The following PALM2AKAP2 variants were observed in gnomAD, a reference collection of about 807,000 sequenced individuals.
PALM2AKAP2 encodes PALM2-AKAP2 fusion protein.
In PALM2AKAP2, 37 loss-of-function variants were observed where a neutral mutation model predicts 71.5. The ratio of observed to expected loss-of-function variants is 0.52; its 90% confidence interval spans 0.40 to 0.68. PALM2AKAP2 has a LOEUF of 0.68. Ranked by LOEUF, PALM2AKAP2 falls within the 30% of genes least tolerant of loss-of-function variation. PALM2AKAP2 has a pLI of 0.00. For synonymous variants in PALM2AKAP2, 468 were observed against 478.8 expected (o/e 0.98, Z 0.29); for missense variants, 1,224 against 1,191.8 (o/e 1.03, Z -0.40).
At chr9:110,116,893 T>G (rs1436469861) in intron 1 of PALM2AKAP2, among the ~76,000 whole-genome samples, 1 of 152,202 alleles carries the variant, frequency 6.6e-6, no homozygotes, top group Non-Finnish European at 1.5e-5. Flanking sequence ...TGTGGCTCTA[T>G]GAAAGACCTC....
intron 3 of PALM2AKAP2, among the ~76,000 whole-genome samples, chr9:109,911,459 C>G (rs924802872): frequency 6.6e-6 from 1 of 152,122 alleles, no homozygotes; most frequent in Non-Finnish European, 1.5e-5. Flanking sequence ...CTGAAGCACA[C>G]TTATGGAGAG....
chr9:110,144,294 C>A (rs1204219333), intron 2 of PALM2AKAP2, among the ~76,000 whole-genome samples: 1 of 152,208 alleles, frequency 6.6e-6, no homozygotes, highest in African/African-American at 2.4e-5. Flanking sequence ...TGTAGGAGCC[C>A]TTCTGGCTGT....
chr9:109,855,413 A>G (rs533914583), intron 1 of PALM2AKAP2, among the ~76,000 whole-genome samples: 50 of 152,216 alleles, frequency 3.3e-4, no homozygotes, highest in African/African-American at 1.1e-3. Context: ...TTATTTATAC[A>G]TTTTCAGTCA....
intron 3 of PALM2AKAP2, among the ~76,000 whole-genome samples, chr9:109,900,532 T>C (rs1283097908): frequency 6.6e-6 from 1 of 152,232 alleles, no homozygotes; most frequent in Non-Finnish European, 1.5e-5. Context: ...CCTTAGGATT[T>C]GGGCTTTTAC....
chr9:110,136,966 TCC>T lies in PALM2AKAP2; in HGVS notation c.1000_1001del (p.Pro334AlafsTer59). 1 of 1,613,708 alleles carries T rather than the reference TCC, an allele frequency of 6.2e-7. No individual in the cohort carries two copies. The highest frequency in any genetic ancestry group is 8.5e-7 in the Non-Finnish European group (1 of 1,179,958). On this transcript the variant is annotated frameshift_variant, in exon 2 of 4. Coordinates refer to ENST00000374525, the Ensembl canonical transcript of PALM2AKAP2. LOFTEE classifies it high-confidence loss of function. ...CTGGCATTGCAGCAAAATGGTGGAA[TCC>T]CCCGCAGGAAAAAACCATCGAGGAG...
At chr9:109,822,290 T>G (rs949982674) in intron 1 of PALM2AKAP2, among the ~76,000 whole-genome samples, 13 of 151,830 alleles carry the variant, frequency 8.6e-5, no homozygotes, top group Non-Finnish European at 1.2e-4. Flanking sequence ...CATCCATCCA[T>G]CCATCCATCC....
At chr9:110,092,207 C>T (rs1210199635) in intron 1 of PALM2AKAP2, among the ~76,000 whole-genome samples, 1 of 152,162 alleles carries the variant, frequency 6.6e-6, no homozygotes, top group Non-Finnish European at 1.5e-5. Flanking sequence ...TGGTGCATTC[C>T]TGTAGTCCCA....
intron 1 of PALM2AKAP2, among the ~76,000 whole-genome samples, chr9:110,067,439 T>G (rs996268364): frequency 6.6e-6 from 1 of 152,264 alleles, no homozygotes; most frequent in Non-Finnish European, 1.5e-5. Flanking sequence ...GTTTGGCTGC[T>G]GCTTGGTATT....
chr9:109,952,426 C>T (rs1445158529), intron 6 of PALM2AKAP2, among the ~76,000 whole-genome samples: 1 of 152,150 alleles, frequency 6.6e-6, no homozygotes, highest in African/African-American at 2.4e-5. Flanking sequence ...GTTGGGAGTT[C>T]TCATCTGGTT....
chr9:109,974,648 A>G (rs1832137710), intron 6 of PALM2AKAP2, among the ~76,000 whole-genome samples: 1 of 152,160 alleles, frequency 6.6e-6, no homozygotes, highest in African/African-American at 2.4e-5. Flanking sequence ...ATCCCCTGCA[A>G]TGGTTTACAA....
Position 109,851,397 on chromosome 9 carries a change from G to T in PALM2AKAP2, c.46-16094G>T, listed in dbSNP as rs2418059. 5.2e-3 allele frequency among the ~76,000 whole-genome samples: 787 copies of T among 152,218 alleles called. 8 individuals carry two copies. Among genetic ancestry groups the T allele is most frequent in the East Asian group, 0.041 (212 of 5,172 alleles). ...AGATGTGGAGGCATCTAACTGGCTC[G>T]TGCATGTTAAGAACTGGATGAGATG... On this transcript the variant is annotated intron_variant, in intron 1 of 9. Coordinates refer to the PALM2AKAP2 transcript ENST00000302798.
At position 109,656,112 on chromosome 9, in the gene PALM2AKAP2, G is replaced by A. The variant is rs1464471546; in HGVS notation, c.5+15246G>A. On this transcript the variant is annotated intron_variant, in intron 1 of 6. Coordinates refer to the PALM2AKAP2 transcript ENST00000374531. ...TACCAGAAAAAGAAAATTTAAAAAT[G>A]GGTTAGAGTATCTGACGTTGGGGCA... is the stretch of plus-strand genomic sequence containing the variant. Among the ~76,000 whole-genome samples, 5 of 152,164 alleles carry A rather than the reference G, an allele frequency of 3.3e-5. No homozygotes were observed. In the East Asian group the frequency reaches 9.6e-4, roughly 29 times the overall value.
intron 6 of PALM2AKAP2, among the ~76,000 whole-genome samples, chr9:109,952,343 A>G (rs1341564930): frequency 6.6e-6 from 1 of 152,272 alleles, no homozygotes; most frequent in East Asian, 1.9e-4. Context: ...AATGAAGAGT[A>G]GATATGATGC....
Position 110,133,827 on chromosome 9 carries a change from T to A in PALM2AKAP2, c.157-2300T>A, listed in dbSNP as rs549084425. 1.3e-3 allele frequency among the ~76,000 whole-genome samples: 193 copies of A among 152,324 alleles called. 1 individual carries two copies. Among genetic ancestry groups the A allele is most frequent in the African/African-American group, 4.5e-3 (188 of 41,560 alleles). ...GTGAATCTCTCTTTGTTTGTCTTCT[T>A]ATTTCAATAATAATTTTCCATGGAG... is the stretch of plus-strand genomic sequence containing the variant. On this transcript the variant is annotated intron_variant, in intron 1 of 3. Coordinates refer to ENST00000374525, the Ensembl canonical transcript of PALM2AKAP2.
chr9:109,681,127 A>T (rs1282997009), intron 1 of PALM2AKAP2, among the ~76,000 whole-genome samples: 2 of 152,224 alleles, frequency 1.3e-5, no homozygotes, highest in African/African-American at 2.4e-5. Context: ...CTCAATAAAT[A>T]TCTTTTGAAG....
intron 1 of PALM2AKAP2, among the ~76,000 whole-genome samples, chr9:109,691,024 G>T (rs1057441094): frequency 2.0e-5 from 3 of 152,146 alleles, no homozygotes; most frequent in African/African-American, 7.2e-5. Context: ...AGAAACAGAA[G>T]GGGGGAAGTT....
At position 109,681,176 on chromosome 9, in the gene PALM2AKAP2, T is replaced by A. The variant is rs530251522; in HGVS notation, c.5+40310T>A. ...CATTGTTTTGCATTGTAATTCTCCA[T>A]CTACTTGTCTTTTTCTTCCACTGGT... On this transcript the variant is annotated intron_variant, in intron 1 of 6. Coordinates refer to the PALM2AKAP2 transcript ENST00000374531. Among the ~76,000 whole-genome samples, 101 of 152,362 alleles carry A rather than the reference T, an allele frequency of 6.6e-4. 3 individuals carry two copies. Among genetic ancestry groups the A allele is most frequent in the Middle Eastern group, 3.4e-3 (1 of 294 alleles).
chr9:109,944,006 GCTTT>G, intron 6 of PALM2AKAP2: 1 of 152,752 alleles, frequency 6.5e-6, no homozygotes, highest in Non-Finnish European at 1.5e-5. Context: ...TGCATTCATG[GCTTT>G]CTTTCTGTTA....
At chr9:109,696,042 G>T (rs1827965431) in intron 1 of PALM2AKAP2, among the ~76,000 whole-genome samples, 1 of 152,124 alleles carries the variant, frequency 6.6e-6, no homozygotes, top group African/African-American at 2.4e-5. Flanking sequence ...ACAAAGATCG[G>T]ATAAATATTT....
Sources: gnomAD v4.1 joint callset for allele counts (sites outside exome capture counted in the v4.1 genomes callset) on GRCh38, gnomAD v4.1.1 for gene constraint, MANE v1.5 for transcripts, NCBI Gene and HGNC (gene_info 2026-07-23, HGNC 2026-07-21) for gene names.